TG: variants seen among roughly 807,000 people sequenced by gnomAD.
TG encodes the protein thyroid hormones.
Under a neutral mutation model 324.7 loss-of-function variants are expected in TG, and 270 were observed. That is an observed-to-expected ratio of 0.83 (90% CI 0.75 to 0.92). The LOEUF is 0.92. Among genes scored for constraint, TG ranks in the 40% least tolerant of loss-of-function variants. The pLI, the probability that TG is intolerant of heterozygous loss-of-function variation, is 0.00. For synonymous variants in TG, 1,401 were observed against 1,327.0 expected (o/e 1.06, Z -1.21); for missense variants, 3,591 against 3,456.4 (o/e 1.04, Z -0.98).
chr8:132,885,979 A>G (rs1587244092), intron 8 of TG, among the ~76,000 whole-genome samples: 1 of 152,284 alleles, frequency 6.6e-6, no homozygotes, highest in Non-Finnish European at 1.5e-5. Flanking sequence ...TTATAAGGAC[A>G]TCAGTCATTG....
At chr8:133,108,628 G>A (rs1850025880) in intron 43 of TG, among the ~76,000 whole-genome samples, 1 of 152,182 alleles carries the variant, frequency 6.6e-6, no homozygotes, top group African/African-American at 2.4e-5. Flanking sequence ...TACCCTCCAA[G>A]CCCAGACCTT....
Position 132,969,566 on chromosome 8 carries a change from A to G in TG, c.5972A>G (p.Asn1991Ser), listed in dbSNP as rs777109612. The G allele has an allele frequency of 6.3e-7, 1 of 1,585,070 alleles. No homozygotes were observed. The highest frequency in any genetic ancestry group is 1.7e-5 in the Admixed American group (1 of 59,976). The change falls in exon 32 of 48, where the codon AAT becomes AGT. Residue 1991 changes from asparagine to serine, a missense_variant. By Grantham distance (46) the Asn-to-Ser change is conservative (BLOSUM62 1). Transcript: ENST00000220616. ...KVPMSEKSISNGFFECERRCD... is the reference protein window; with the variant it reads ...KVPMSEKSISSGFFECERRCD... ...CCCATGTCTGAAAAATCTATTTCTA[A>G]TGGGTAAGCTACTTGTGTCTCACCC... is the stretch of plus-strand genomic sequence containing the variant.
At chr8:132,914,627 G>A (rs1408999156) in intron 20 of TG, among the ~76,000 whole-genome samples, 1 of 152,212 alleles carries the variant, frequency 6.6e-6, no homozygotes, top group African/African-American at 2.4e-5. Context: ...CAGATTAAAT[G>A]AGATGGGGCA....
At chr8:132,976,854 CT>C (rs33951544) in intron 34 of TG, among the ~76,000 whole-genome samples, 24,480 of 152,032 alleles carry the variant, frequency 0.16, 2,522 homozygotes, top group Middle Eastern at 0.3. Context: ...CTTAAGTTGT[CT>C]TCATCAAACA....
intron 40 of TG, among the ~76,000 whole-genome samples, chr8:133,026,860 A>C (rs1408485415): frequency 6.6e-6 from 1 of 152,218 alleles, no homozygotes; most frequent in African/African-American, 2.4e-5. Context: ...ATAACGTTAG[A>C]ACCTACACTT....
At chr8:132,877,881 A>G (rs1814055536) in intron 5 of TG, among the ~76,000 whole-genome samples, 1 of 152,194 alleles carries the variant, frequency 6.6e-6, no homozygotes, top group African/African-American at 2.4e-5. Context: ...GTAGTCCAAA[A>G]TATGGTATTT....
intron 24 of TG, among the ~76,000 whole-genome samples, chr8:132,934,757 G>C (rs1468111208): frequency 6.6e-6 from 1 of 152,164 alleles, no homozygotes; most frequent in Non-Finnish European, 1.5e-5. Flanking sequence ...GCAGCCTTGC[G>C]GGGGAAGGCA....
intron 41 of TG, among the ~76,000 whole-genome samples, chr8:133,038,909 G>A (rs892699055): frequency 3.9e-5 from 6 of 152,056 alleles, no homozygotes; most frequent in African/African-American, 7.2e-5. Context: ...ATGGAGTCTC[G>A]CTCTGTTGCC....
chr8:133,096,989 G>GGCTGAGCACAT (rs1267102572), intron 43 of TG, among the ~76,000 whole-genome samples: 1 of 152,218 alleles, frequency 6.6e-6, no homozygotes, highest in Non-Finnish European at 1.5e-5. Context: ...CCCTGGAAGA[G>GGCTGAGCACAT]GCTGAGCACA....
intron 13 of TG, 123 bp downstream of exon 13, chr8:132,898,369 C>A: frequency 2.1e-6 from 2 of 942,784 alleles, no homozygotes; most frequent in Non-Finnish European, 3.3e-6. Flanking sequence ...GTCCCGGGTG[C>A]AGCCAGACGC....
At chr8:133,026,853 A>G (rs1282779462) in intron 40 of TG, among the ~76,000 whole-genome samples, 1 of 152,158 alleles carries the variant, frequency 6.6e-6, no homozygotes, top group Admixed American at 6.5e-5. Context: ...CAGCAACATA[A>G]CGTTAGAACC....
chr8:132,983,471 T>A, intron 35 of TG, 59 bp downstream of exon 35: 1 of 1,516,386 alleles, frequency 6.6e-7, no homozygotes, highest in Non-Finnish European at 9.2e-7. Flanking sequence ...ATCTTCTTTC[T>A]CCTCTTCCCC....
rs1385670566 is a variant in TG, at chr8:132,882,951, G to A, written c.1027G>A (p.Gly343Arg). The stretch of plus-strand genomic sequence containing the variant: ...GCCCTGCTGGTGTGTGGACGCCCAG[G>A]GGAAGGAAATGCATGGAACCCGGCA... ...EGPCWCVDAQGKEMHGTRQQG... is the reference protein window; with the variant it reads ...EGPCWCVDAQRKEMHGTRQQG... The change falls in exon 8 of 48, where the codon GGG (glycine) becomes AGG (arginine). Residue 343 changes from glycine to arginine, a missense_variant. Gly to Arg is a moderately radical substitution (Grantham distance 125). Transcript: ENST00000220616. 3.1e-6 allele frequency: 5 copies of A among 1,613,988 alleles called. No individual in the cohort carries two copies. Among genetic ancestry groups the A allele is most frequent in the South Asian group, 1.1e-5 (1 of 91,070 alleles).
chr8:132,898,975 T>G (rs1283597663), intron 14 of TG, 65 bp downstream of exon 14: 1 of 1,403,432 alleles, frequency 7.1e-7, no homozygotes, highest in Non-Finnish European at 9.9e-7. Context: ...ATGATTTTTC[T>G]TTTTGTTCAA....
intron 43 of TG, among the ~76,000 whole-genome samples, chr8:133,111,048 C>T (rs1850209962): frequency 6.6e-6 from 1 of 152,172 alleles, no homozygotes; most frequent in Non-Finnish European, 1.5e-5. Context: ...CAAGATCCCC[C>T]CAAATTTGGC....
At chr8:133,093,468 C>A (rs180884623) in intron 41 of TG, among the ~76,000 whole-genome samples, 1 of 152,094 alleles carries the variant, frequency 6.6e-6, no homozygotes, top group African/African-American at 2.4e-5. Context: ...TTTGTCTAAG[C>A]GGTTAAGGAC....
chr8:133,082,397 GA>G (rs1012138691), intron 41 of TG, among the ~76,000 whole-genome samples: 4 of 152,012 alleles, frequency 2.6e-5, no homozygotes, highest in African/African-American at 2.4e-5. Flanking sequence ...AGCAAGTTAA[GA>G]AAAAAATCTT....
At chr8:133,067,828 GAGAGAGAGAGAGAC>G (rs1843252098) in intron 41 of TG, among the ~76,000 whole-genome samples, 1 of 150,020 alleles carries the variant, frequency 6.7e-6, no homozygotes, top group South Asian at 2.1e-4. Flanking sequence ...AAGGAAGGGG[GAGAGAGAGAGAGAC>G]AGAGAGAGAG....
intron 41 of TG, chr8:133,039,953 GCACACACACACACA>G (rs3835182): frequency 7.7e-6 from 11 of 1,433,552 alleles, no homozygotes; most frequent in Non-Finnish European, 1.0e-5. Context: ...GCACTTGCAT[GCACACACACACACA>G]CACACACACA....
Sources: allele counts gnomAD v4.1 joint callset (sites outside exome capture counted in the v4.1 genomes callset), GRCh38; gene constraint gnomAD v4.1.1; transcripts MANE v1.5; gene names NCBI Gene and HGNC (gene_info 2026-07-23, HGNC 2026-07-21).